ATP8A1: variants seen among roughly 807,000 people sequenced by gnomAD.
ATP8A1 encodes ATPase phospholipid transporting 8A1.
Under a neutral mutation model 177.7 loss-of-function variants are expected in ATP8A1, and 90 were observed. The observed-to-expected ratio is 0.51, with a 90% CI of 0.43 to 0.60. The LOEUF (loss-of-function observed/expected upper bound fraction) is 0.60, where lower values mean the gene tolerates loss of function less well. Among genes scored for constraint, ATP8A1 ranks in the 20% least tolerant of loss-of-function variants. The pLI is 0.00. For missense variants in ATP8A1, 1,072 were observed against 1,392.8 expected, an observed-to-expected ratio of 0.77 and a Z score of 3.67; for synonymous variants, 493 against 485.9, an observed-to-expected ratio of 1.01 and a Z score of -0.19.
Position 42,581,834 on chromosome 4 carries a change from T to C in ATP8A1, c.723-102A>G, listed in dbSNP as rs184859833. On this transcript the variant is annotated intron_variant, in intron 9 of 36. Coordinates refer to ENST00000381668, the MANE Select transcript of ATP8A1 (RefSeq NM_006095.2). ...AAGTACCCATTATTAAAATAACCCT[T>C]CTCATATTTATTTCTGGAAAGTAAT... is the stretch of plus-strand genomic sequence containing the variant. 3.4e-4 allele frequency: 275 copies of C among 813,080 alleles called. 1 individual carries two copies. The African/African-American group carries it at 4.1e-3, about 12-fold the overall frequency. 50.4% of individuals were successfully genotyped at this position (813,080 alleles called of 1,614,324 possible). A position where few individuals can be genotyped will look rare whatever the true frequency, so the allele number is the denominator to read the frequency against.
intron 6 of ATP8A1, among the ~76,000 whole-genome samples, chr4:42,591,383 C>T (rs1293070146): frequency 6.6e-6 from 1 of 151,914 alleles, no homozygotes; most frequent in Non-Finnish European, 1.5e-5. Context: ...TGTTCTGACT[C>T]CAAAATATTT....
chr4:42,591,448 T>G (rs773312811), intron 6 of ATP8A1, among the ~76,000 whole-genome samples: 47 of 152,148 alleles, frequency 3.1e-4, no homozygotes, highest in Non-Finnish European at 5.4e-4. Flanking sequence ...TGCAAAGAAG[T>G]CAGCTTTGCA....
Position 42,464,966 on chromosome 4 carries a change from G to A in ATP8A1, c.2435C>T (p.Ala812Val), listed in dbSNP as rs770233505. 6.2e-7 allele frequency: 1 copy of A among 1,614,176 alleles called. No individual in the cohort carries two copies. The highest frequency in any genetic ancestry group is 8.5e-7 in the Non-Finnish European group (1 of 1,180,022). The change falls in exon 26 of 37, where the codon GCG becomes GTG. Residue 812 changes from alanine (A) to valine (V), a missense_variant. By Grantham distance (64) the Ala-to-Val change is moderately conservative. Around this residue, in one of 5 missense-constraint regions of ATP8A1, gnomAD observed 316 missense variants for 459.1 expected, o/e 0.69. Coordinates refer to ENST00000381668, the MANE Select transcript of ATP8A1 (RefSeq NM_006095.2). ...GCCACTGATACCAACACCAACGTGC[G>A]CTGTCTGTATCATGCTGACATCATT... The part of the protein sequence containing the change: ...GANDVSMIQT[A>V]HVGVGISGNE...
At chr4:42,581,548 C>CT in intron 10 of ATP8A1, 73 bp downstream of exon 10, 1 of 1,073,124 alleles carries the variant, frequency 9.3e-7, no homozygotes, top group Non-Finnish European at 1.4e-6. Flanking sequence ...TTTGGGACCA[C>CT]TGCACTGAGA....
Position 42,538,339 on chromosome 4 carries a change from C to A in ATP8A1, c.1722+5578G>T, listed in dbSNP as rs182380784. 1.9e-3 allele frequency among the ~76,000 whole-genome samples: 283 copies of A among 152,244 alleles called. 1 individual carries two copies. Among genetic ancestry groups the A allele is most frequent in the Non-Finnish European group, 4.0e-4 (27 of 68,002 alleles). The stretch of plus-strand genomic sequence containing the variant: ...TCTAGAAGATAATATCAGAAAAACC[C>A]TTCTGGACACTGGCTTAGGCAAAGA... On this transcript the variant is annotated intron_variant, in intron 20 of 36. Coordinates refer to ENST00000381668, the MANE Select transcript of ATP8A1 (RefSeq NM_006095.2).
At chr4:42,632,696 G>C (rs566980632) in intron 1 of ATP8A1, among the ~76,000 whole-genome samples, 243 of 152,212 alleles carry the variant, frequency 1.6e-3, no homozygotes, top group Non-Finnish European at 2.9e-3. Flanking sequence ...GATGCTGGTG[G>C]GTCACTATCC....
At position 42,569,277 on chromosome 4, in the gene ATP8A1, G is replaced by A. The variant is rs1035765870; in HGVS notation, c.1296-72C>T. ...AGAAAGGCTGGAAACATAAAACCACGAAGAAGGGAAGTATAAAAAGATGGA... is the reference window on the plus strand; with the variant it reads ...AGAAAGGCTGGAAACATAAAACCACAAAGAAGGGAAGTATAAAAAGATGGA... On this transcript the variant is annotated intron_variant, in intron 14 of 36. Coordinates refer to ENST00000381668, the MANE Select transcript of ATP8A1 (RefSeq NM_006095.2). 36 of 1,182,672 alleles carry A rather than the reference G, an allele frequency of 3.0e-5. 1 individual carries two copies. In the Admixed American group the frequency reaches 5.1e-4, roughly 17 times the overall value. 73.3% of individuals were successfully genotyped at this position (1,182,672 alleles called of 1,614,324 possible).
At chr4:42,496,167 A>G (rs1373072657) in intron 24 of ATP8A1, among the ~76,000 whole-genome samples, 5 of 152,166 alleles carry the variant, frequency 3.3e-5, no homozygotes, top group Non-Finnish European at 5.9e-5. Flanking sequence ...ATGCAGAGAG[A>G]GGCAGCAAAG....
chr4:42,521,516 C>T (rs1167006941), intron 22 of ATP8A1, among the ~76,000 whole-genome samples: 2 of 152,170 alleles, frequency 1.3e-5, no homozygotes, highest in South Asian at 2.1e-4. Context: ...TATACAGCAT[C>T]GATCATAATG....
intron 24 of ATP8A1, among the ~76,000 whole-genome samples, chr4:42,489,674 C>T (rs975201376): frequency 2.4e-4 from 36 of 152,254 alleles, no homozygotes; most frequent in African/African-American, 8.4e-4. Context: ...TTATTTACTG[C>T]CGGGAGTATT....
At chr4:42,597,901 G>A (rs1308891341) in intron 6 of ATP8A1, among the ~76,000 whole-genome samples, 1 of 152,002 alleles carries the variant, frequency 6.6e-6, no homozygotes, top group African/African-American at 2.4e-5. Context: ...GTTTAAATTT[G>A]CAAATTTTAT....
chr4:42,414,711 C>T lies in ATP8A1; in HGVS notation c.3313G>A (p.Glu1105Lys), dbSNP rs1391889133. 5.6e-6 allele frequency: 9 copies of T among 1,613,710 alleles called. No individual in the cohort carries two copies. Among genetic ancestry groups the T allele is most frequent in the South Asian group, 2.2e-5 (2 of 91,054 alleles). The change falls in exon 36 of 37, where the codon GAG becomes AAG. Residue 1105 changes from glutamate (E) to lysine (K), a missense_variant. Physicochemically the swap from Glu to Lys is moderately conservative, Grantham distance 56. Coordinates refer to ENST00000381668, the MANE Select transcript of ATP8A1 (RefSeq NM_006095.2). The part of the protein sequence containing the change: ...GAVVLGKSLT[E>K]RAQLLKNVFK... ...ACGTTCTTGAGCAGTTGCGCCCTCTCGGTCAGGCTGCAGAGCAGGTGCAAA... is the reference window on the plus strand; with the variant it reads ...ACGTTCTTGAGCAGTTGCGCCCTCTTGGTCAGGCTGCAGAGCAGGTGCAAA...
chr4:42,527,839 C>G (rs1462496480), intron 20 of ATP8A1, among the ~76,000 whole-genome samples: 2 of 152,144 alleles, frequency 1.3e-5, no homozygotes, highest in South Asian at 2.1e-4. Flanking sequence ...TTTATAGACC[C>G]AGAACCCCTT....
At chr4:42,595,845 T>C (rs1197052452) in intron 6 of ATP8A1, among the ~76,000 whole-genome samples, 7 of 152,216 alleles carry the variant, frequency 4.6e-5, no homozygotes, top group African/African-American at 1.7e-4. Context: ...CTTTCCAACA[T>C]CTTTACTCAT....
At chr4:42,624,011 T>C (rs1319645671) in intron 4 of ATP8A1, among the ~76,000 whole-genome samples, 3 of 152,082 alleles carry the variant, frequency 2.0e-5, no homozygotes, top group East Asian at 1.9e-4. Context: ...GTTAGTTTTA[T>C]AAAGGAGAAA....
chr4:42,544,033 G>A, intron 19 of ATP8A1, 47 bp from the exon 20 acceptor site: 1 of 1,441,652 alleles, frequency 6.9e-7, no homozygotes, highest in Non-Finnish European at 9.7e-7. Flanking sequence ...CCAAGGATAT[G>A]CATGTATGTG....
At chr4:42,562,863 C>T (rs1730982533) in intron 15 of ATP8A1, among the ~76,000 whole-genome samples, 1 of 152,210 alleles carries the variant, frequency 6.6e-6, no homozygotes, top group Non-Finnish European at 1.5e-5. Context: ...TGCTTTCTGC[C>T]ATGATCGTGA....
At chr4:42,591,451 G>A (rs1321295854) in intron 6 of ATP8A1, among the ~76,000 whole-genome samples, 1 of 152,062 alleles carries the variant, frequency 6.6e-6, no homozygotes. Context: ...AAAGAAGTCA[G>A]CTTTGCATTA....
intron 19 of ATP8A1, among the ~76,000 whole-genome samples, chr4:42,548,593 CATT>C (rs1223733631): frequency 2.6e-5 from 4 of 152,130 alleles, no homozygotes; most frequent in Non-Finnish European, 4.4e-5. Context: ...ATACACAACA[CATT>C]GTTGTTAACT....
Sources: gnomAD v4.1 joint callset for allele counts (sites outside exome capture counted in the v4.1 genomes callset) on GRCh38, gnomAD v4.1.1 for gene constraint, gnomAD v4.1.1 regional missense constraint, MANE v1.5 for transcripts, NCBI Gene and HGNC (gene_info 2026-07-23, HGNC 2026-07-21) for gene names.